Variants in PRKCB observed in about 807,000 individuals in gnomAD.
PRKCB encodes the protein protein kinase C beta type.
Under a neutral mutation model 81.5 loss-of-function variants are expected in PRKCB, and 13 were observed. That is an observed-to-expected ratio of 0.16 (90% CI 0.10 to 0.25). The LOEUF (loss-of-function observed/expected upper bound fraction) is 0.25, where lower values mean the gene tolerates loss of function less well. Ranked by LOEUF, PRKCB falls within the 10% of genes least tolerant of loss-of-function variation. PRKCB has a pLI of 1.00. For synonymous variants in PRKCB, 335 were observed against 321.4 expected, an observed-to-expected ratio of 1.04 and a Z score of -0.45; for missense variants, 509 against 875.7, an observed-to-expected ratio of 0.58 and a Z score of 5.29.
At chr16:23,968,017 T>C (rs1196574051) in intron 2 of PRKCB, among the ~76,000 whole-genome samples, 1 of 152,216 alleles carries the variant, frequency 6.6e-6, no homozygotes, top group African/African-American at 2.4e-5. Context: ...GTGGGGTGCA[T>C]GCTCTCTGGT....
rs968978885 is a variant in PRKCB, at chr16:23,853,660, T to C, written c.205+16254T>C. On this transcript the variant is annotated intron_variant, in intron 2 of 16. Transcript: ENST00000643927. ...CTGGTAAAACTAAGATGCAAAACTC[T>C]GGACGTCTTTATCTTATCAAACATA... Among the ~76,000 whole-genome samples the C allele has an allele frequency of 8.5e-5, 13 of 152,234 alleles. No individual in the cohort carries two copies. The East Asian group carries it at 2.3e-3, about 27-fold the overall frequency.
intron 5 of PRKCB, among the ~76,000 whole-genome samples, chr16:24,088,692 G>A (rs549936159): frequency 1.9e-4 from 26 of 136,506 alleles, no homozygotes; most frequent in African/African-American, 6.7e-4. Flanking sequence ...TCGCGCCACC[G>A]CACTCCAGCG....
intron 13 of PRKCB, among the ~76,000 whole-genome samples, chr16:24,181,552 A>G (rs1006722568): frequency 2.2e-4 from 34 of 152,276 alleles, no homozygotes; most frequent in African/African-American, 8.2e-4. Context: ...GGATCACTTG[A>G]GCCCAGGAGT....
chr16:24,118,803 A>G (rs992639049), intron 8 of PRKCB, among the ~76,000 whole-genome samples: 2 of 152,148 alleles, frequency 1.3e-5, no homozygotes, highest in African/African-American at 4.8e-5. Context: ...TTGTGCCTCA[A>G]TTTTAAAATG....
At chr16:23,887,285 T>C (rs567207018) in intron 2 of PRKCB, among the ~76,000 whole-genome samples, 1 of 152,342 alleles carries the variant, frequency 6.6e-6, no homozygotes, top group African/African-American at 2.4e-5. Flanking sequence ...GTTTAGGCAA[T>C]GAACTTGTTA....
intron 7 of PRKCB, among the ~76,000 whole-genome samples, chr16:24,102,669 A>G (rs900460020): frequency 9.2e-5 from 14 of 152,062 alleles, no homozygotes; most frequent in Non-Finnish European, 1.5e-5. Flanking sequence ...TTGTTTATTT[A>G]TACTGTCTCC....
chr16:24,160,123 C>T (rs1967230349), intron 10 of PRKCB, among the ~76,000 whole-genome samples: 1 of 151,396 alleles, frequency 6.6e-6, no homozygotes, highest in South Asian at 2.1e-4. Flanking sequence ...TGAAATGGCT[C>T]AAGTTCCACA....
rs1968246130 is a variant in PRKCB, at chr16:24,217,461, T to C, written c.*2645T>C. On this transcript the variant is annotated 3_prime_UTR_variant, in exon 17 of 17. Coordinates refer to ENST00000643927, the MANE Select transcript of PRKCB (RefSeq NM_002738.7). ...AGTAGAATTAATAACCCTCCTTGGA[T>C]GAGTGCTACTGTTTTCACATGGCTT... 2.0e-6 allele frequency: 2 copies of C among 985,318 alleles called. No individual in the cohort carries two copies. Among genetic ancestry groups the C allele is most frequent in the Non-Finnish European group, 2.4e-6 (2 of 829,934 alleles). 61.0% of individuals were successfully genotyped at this position (985,318 alleles called of 1,614,324 possible).
intron 2 of PRKCB, among the ~76,000 whole-genome samples, chr16:23,916,990 G>C (rs556482754): frequency 2.6e-5 from 4 of 151,990 alleles, no homozygotes; most frequent in Non-Finnish European, 5.9e-5. Flanking sequence ...TGCCCAGGCT[G>C]GTCTTAAACT....
intron 2 of PRKCB, among the ~76,000 whole-genome samples, chr16:23,866,209 G>A (rs1218333196): frequency 2.0e-5 from 3 of 152,124 alleles, no homozygotes; most frequent in Non-Finnish European, 4.4e-5. Flanking sequence ...TTCTTTCTGA[G>A]AGTAAAGAGA....
At chr16:23,992,053 G>C (rs1964892791) in intron 3 of PRKCB, among the ~76,000 whole-genome samples, 1 of 152,212 alleles carries the variant, frequency 6.6e-6, no homozygotes, top group Admixed American at 6.5e-5. Flanking sequence ...AAAGACCCCA[G>C]AGATATCCGT....
At chr16:24,016,168 A>G (rs1965274843) in intron 3 of PRKCB, among the ~76,000 whole-genome samples, 1 of 152,086 alleles carries the variant, frequency 6.6e-6, no homozygotes, top group African/African-American at 2.4e-5. Context: ...AAGGTTAACT[A>G]GGGATAACAT....
chr16:23,956,469 G>A (rs1167450290), intron 2 of PRKCB, among the ~76,000 whole-genome samples: 1 of 152,064 alleles, frequency 6.6e-6, no homozygotes, highest in African/African-American at 2.4e-5. Flanking sequence ...ATTAGCAATA[G>A]GCATTTGGAT....
intron 7 of PRKCB, among the ~76,000 whole-genome samples, chr16:24,112,771 A>G (rs978444418): frequency 1.3e-5 from 2 of 152,162 alleles, no homozygotes; most frequent in Admixed American, 6.5e-5. Flanking sequence ...AAGAGTTACA[A>G]AAATACATAG....
At chr16:23,973,524 A>G (rs1964585447) in intron 2 of PRKCB, among the ~76,000 whole-genome samples, 1 of 152,132 alleles carries the variant, frequency 6.6e-6, no homozygotes, top group East Asian at 1.9e-4. Context: ...TAATCCCAGC[A>G]ACTCTATGAG....
chr16:24,177,592 C>CT (rs1967554913), intron 12 of PRKCB, among the ~76,000 whole-genome samples: 2 of 152,180 alleles, frequency 1.3e-5, no homozygotes, highest in Non-Finnish European at 2.9e-5. Context: ...GAATCAGAAA[C>CT]TAGCGGCCAA....
Position 23,988,579 on chromosome 16 carries a change from C to A in PRKCB, c.277C>A (p.Pro93Thr). The A allele has an allele frequency of 6.2e-7, 1 of 1,614,002 alleles. No individual in the cohort carries two copies. The highest frequency in any genetic ancestry group is 8.5e-7 in the Non-Finnish European group (1 of 1,179,870). The stretch of plus-strand genomic sequence containing the variant: ...CTCCTGCCCTGGCGCTGACAAGGGT[C>A]CAGCCTCCGATGTAAGTAATGGGCA... ...TFSCPGADKG[P>T]ASDDPRSKHK... is the part of the protein sequence containing the mutation. Residue 93 changes from proline to threonine, a missense_variant, in exon 3 of 17, where the codon CCA becomes ACA. Pro to Thr is a conservative substitution (Grantham distance 38, BLOSUM62 -1). Transcript: ENST00000643927.
At chr16:23,954,590 A>G (rs1964325459) in intron 2 of PRKCB, among the ~76,000 whole-genome samples, 1 of 152,200 alleles carries the variant, frequency 6.6e-6, no homozygotes, top group African/African-American at 2.4e-5. Flanking sequence ...AAGCATGCAC[A>G]TTTGGAGTTG....
intron 9 of PRKCB, among the ~76,000 whole-genome samples, chr16:24,152,778 C>T (rs1463145349): frequency 1.3e-5 from 2 of 152,202 alleles, no homozygotes; most frequent in Non-Finnish European, 1.5e-5. Context: ...CCCATCCTAG[C>T]ACTTGGAGCC....
Sources: gnomAD v4.1 joint callset for allele counts (sites outside exome capture counted in the v4.1 genomes callset) on GRCh38, gnomAD v4.1.1 for gene constraint, MANE v1.5 for transcripts, NCBI Gene and HGNC (gene_info 2026-07-23, HGNC 2026-07-21) for gene names.